Variants in PTK2B observed in about 807,000 individuals in gnomAD.
PTK2B encodes protein-tyrosine kinase 2-beta.
In PTK2B, 71 loss-of-function variants were observed where a neutral mutation model predicts 142.9. The ratio of observed to expected loss-of-function variants is 0.50; its 90% CI spans 0.41 to 0.61. PTK2B has a LOEUF of 0.61. Ranked by LOEUF, PTK2B falls within the 20% of genes least tolerant of loss-of-function variation. PTK2B has a pLI of 0.00. For synonymous variants in PTK2B, 519 were observed against 503.4 expected, an observed-to-expected ratio of 1.03 and a Z score of -0.42; for missense variants, 1,105 against 1,320.4, an observed-to-expected ratio of 0.84 and a Z score of 2.53.
chr8:27,457,694 G>T (rs1395226371), intron 30 of PTK2B, among the ~76,000 whole-genome samples: 1 of 152,194 alleles, frequency 6.6e-6, no homozygotes, highest in African/African-American at 2.4e-5. Context: ...TCAGTGGATG[G>T]CTGGGTGTGG....
At chr8:27,320,674 G>C (rs1346216764), upstream of PTK2B, among the ~76,000 whole-genome samples, 1 of 152,182 alleles carries the variant, frequency 6.6e-6, no homozygotes, top group East Asian at 1.9e-4. Context: ...CTGTGGGAAG[G>C]GGCATGGAGC....
At chr8:27,374,753 C>T (rs1806565681) in intron 1 of PTK2B, among the ~76,000 whole-genome samples, 1 of 152,104 alleles carries the variant, frequency 6.6e-6, no homozygotes, top group South Asian at 2.1e-4. Flanking sequence ...AGAAGCAGTC[C>T]CTCCAGGGTC....
At chr8:27,381,907 A>T (rs1269311963) in intron 1 of PTK2B, among the ~76,000 whole-genome samples, 1 of 152,184 alleles carries the variant, frequency 6.6e-6, no homozygotes, top group Non-Finnish European at 1.5e-5. Context: ...CCTTATGATT[A>T]GTGATATCGA....
At chr8:27,381,041 T>A (rs557280021) in intron 1 of PTK2B, among the ~76,000 whole-genome samples, 28 of 152,342 alleles carry the variant, frequency 1.8e-4, no homozygotes, top group South Asian at 4.1e-4. Flanking sequence ...TTGATTTTTT[T>A]AATTTTAGTA....
intron 1 of PTK2B, among the ~76,000 whole-genome samples, chr8:27,350,659 C>A (rs1276336711): frequency 1.3e-5 from 2 of 151,910 alleles, no homozygotes; most frequent in African/African-American, 4.8e-5. Flanking sequence ...ACTGTTAACC[C>A]CAGTTGTAAC....
At chr8:27,374,392 C>T (rs1204462154) in intron 1 of PTK2B, among the ~76,000 whole-genome samples, 1 of 152,236 alleles carries the variant, frequency 6.6e-6, no homozygotes, top group Non-Finnish European at 1.5e-5. Flanking sequence ...ACAGACCCCT[C>T]ACAACAGGAG....
intron 10 of PTK2B, 38 bp downstream of exon 10, chr8:27,432,399 C>A (rs748144988): frequency 6.3e-7 from 1 of 1,588,578 alleles, no homozygotes; most frequent in South Asian, 1.1e-5. Context: ...GGCAGCTCTG[C>A]AGGGGGTATA....
Position 27,434,535 on chromosome 8 carries a change from CA to C in PTK2B, c.1169del (p.His390ProfsTer8). On this transcript the variant is annotated frameshift_variant, in exon 13 of 31. Coordinates refer to ENST00000346049, the MANE Select transcript of PTK2B (RefSeq NM_173176.3). LOFTEE classifies it high-confidence loss of function. ...CAGAAACCTGGAGGCCCGGCGGTCC[CA>C]CCTCTCAGAGAGCTGCAGCATAGGT... The part of the protein sequence containing the change: ...PMLNLEARRS[H>X]LSESCSIESD... 1 of 1,608,604 alleles carries C rather than the reference CA, an allele frequency of 6.2e-7. No homozygotes were observed. The highest frequency in any genetic ancestry group is 8.5e-7 in the Non-Finnish European group (1 of 1,177,742).
At chr8:27,377,048 G>A (rs749624522) in intron 1 of PTK2B, among the ~76,000 whole-genome samples, 3 of 152,186 alleles carry the variant, frequency 2.0e-5, no homozygotes, top group Non-Finnish European at 4.4e-5. Flanking sequence ...GCTGTGCAAA[G>A]TGGGAGTGAG....
chr8:27,353,419 G>T (rs1430954514), intron 1 of PTK2B, among the ~76,000 whole-genome samples: 1 of 152,194 alleles, frequency 6.6e-6, no homozygotes, highest in Admixed American at 6.5e-5. Context: ...AATCTGCTGT[G>T]AAATTTTCTC....
chr8:27,311,214 A>C, upstream of PTK2B: 1 of 1,570,896 alleles, frequency 6.4e-7, no homozygotes, highest in Non-Finnish European at 8.7e-7. Flanking sequence ...GGCCCGGGGG[A>C]CACGTCGGGA....
At chr8:27,360,176 G>GCAAAAGCT (rs1260542523) in intron 1 of PTK2B, among the ~76,000 whole-genome samples, 1 of 152,174 alleles carries the variant, frequency 6.6e-6, no homozygotes, top group African/African-American at 2.4e-5. Context: ...TCTCACATTG[G>GCAAAAGCT]CAAAAGCTCA....
At chr8:27,357,544 T>A (rs773710470) in intron 1 of PTK2B, among the ~76,000 whole-genome samples, 3 of 152,234 alleles carry the variant, frequency 2.0e-5, no homozygotes, top group Non-Finnish European at 4.4e-5. Flanking sequence ...AGGAGCATCA[T>A]TTCCCAACCA....
At chr8:27,332,924 G>A (rs778421613) in intron 1 of PTK2B, among the ~76,000 whole-genome samples, 2 of 152,174 alleles carry the variant, frequency 1.3e-5, no homozygotes, top group Non-Finnish European at 2.9e-5. Flanking sequence ...TTATAGTATG[G>A]TAGGGGAGGC....
At chr8:27,312,782 C>T (rs1179320271) in intron 2 of PTK2B, among the ~76,000 whole-genome samples, 1 of 152,176 alleles carries the variant, frequency 6.6e-6, no homozygotes, top group Non-Finnish European at 1.5e-5. Flanking sequence ...TACTCTTTCT[C>T]TCTGCCTTTC....
chr8:27,335,231 G>A (rs144858503), intron 1 of PTK2B, among the ~76,000 whole-genome samples: 16 of 152,280 alleles, frequency 1.1e-4, no homozygotes, highest in South Asian at 8.3e-4. Context: ...CAATCACCTC[G>A]TTTATCTGCA....
intron 24 of PTK2B, among the ~76,000 whole-genome samples, chr8:27,447,269 G>A (rs779419474): frequency 2.6e-5 from 4 of 152,158 alleles, no homozygotes; most frequent in Non-Finnish European, 5.9e-5. Context: ...AACATAATGA[G>A]CATGTCTTTA....
chr8:27,440,929 A>G (rs1396860801), intron 21 of PTK2B, among the ~76,000 whole-genome samples: 1 of 152,008 alleles, frequency 6.6e-6, no homozygotes, highest in Non-Finnish European at 1.5e-5. Flanking sequence ...CCCAGGAGCC[A>G]TGATTCCCTA....
intron 1 of PTK2B, among the ~76,000 whole-genome samples, chr8:27,336,101 A>G (rs1804045933): frequency 6.6e-6 from 1 of 152,168 alleles, no homozygotes; most frequent in Non-Finnish European, 1.5e-5. Flanking sequence ...ACAATGTCAA[A>G]GTCGTAAGTC....
Sources: allele counts gnomAD v4.1 joint callset (sites outside exome capture counted in the v4.1 genomes callset), GRCh38; gene constraint gnomAD v4.1.1; transcripts MANE v1.5; gene names NCBI Gene and HGNC (gene_info 2026-07-23, HGNC 2026-07-21).